Variants in PRICKLE1 observed in about 807,000 individuals in gnomAD.
The protein encoded by PRICKLE1 is prickle-like protein 1.
Under a neutral mutation model 70.2 loss-of-function variants are expected in PRICKLE1, and 14 were observed. That is an observed-to-expected ratio of 0.20 (90% CI 0.13 to 0.31). The LOEUF (loss-of-function observed/expected upper bound fraction) is 0.31. Ranked by LOEUF, PRICKLE1 falls within the 10% of genes least tolerant of loss-of-function variation. The pLI, the probability that PRICKLE1 is intolerant of heterozygous loss-of-function variation, is 1.00. For synonymous variants in PRICKLE1, 357 were observed against 379.9 expected (o/e 0.94, Z 0.70); for missense variants, 821 against 1,026.2 (o/e 0.80, Z 2.73).
chr12:42,565,075 CTTAA>C (rs1238032179), intron 1 of PRICKLE1, among the ~76,000 whole-genome samples: 1 of 152,170 alleles, frequency 6.6e-6, no homozygotes, highest in African/African-American at 2.4e-5. Context: ...ATATTAGTAG[CTTAA>C]TTGTGTTCCC....
At chr12:42,559,150 C>T (rs1203913488) in intron 1 of PRICKLE1, among the ~76,000 whole-genome samples, 1 of 152,192 alleles carries the variant, frequency 6.6e-6, no homozygotes, top group Non-Finnish European at 1.5e-5. Context: ...ACAAAGAAAT[C>T]ACTTTTTCTT....
chr12:42,503,564 C>T (rs562359434), intron 1 of PRICKLE1, among the ~76,000 whole-genome samples: 307 of 152,270 alleles, frequency 2.0e-3, no homozygotes, highest in African/African-American at 7.2e-3. Flanking sequence ...TCTATTTGAG[C>T]TCTTCAGTGT....
At chr12:42,553,712 A>AG (rs1009500013) in intron 1 of PRICKLE1, among the ~76,000 whole-genome samples, 52 of 152,134 alleles carry the variant, frequency 3.4e-4, no homozygotes, top group African/African-American at 1.2e-3. Context: ...AATGGCTTGT[A>AG]GGGTCGCACT....
intron 1 of PRICKLE1, among the ~76,000 whole-genome samples, chr12:42,561,266 T>A (rs1239547354): frequency 2.0e-5 from 3 of 152,238 alleles, no homozygotes; most frequent in Admixed American, 6.5e-5. Context: ...GATCTATTTT[T>A]AAAAATAACA....
At chr12:42,500,810 G>C (rs1369000513) in intron 1 of PRICKLE1, among the ~76,000 whole-genome samples, 1 of 152,020 alleles carries the variant, frequency 6.6e-6, no homozygotes, top group Non-Finnish European at 1.5e-5. Flanking sequence ...AATAATAGGA[G>C]ACTATTAGAA....
intron 1 of PRICKLE1, among the ~76,000 whole-genome samples, chr12:42,477,480 GTGTATATATATA>G (rs1231103712): frequency 2.0e-4 from 14 of 69,050 alleles, no homozygotes; most frequent in Admixed American, 6.0e-4. Flanking sequence ...GTGTGTGTGT[GTGTATATATATA>G]TATATATATA....
intron 7 of PRICKLE1, among the ~76,000 whole-genome samples, chr12:42,462,497 T>C (rs1379799694): frequency 3.9e-5 from 6 of 152,162 alleles, no homozygotes; most frequent in African/African-American, 1.4e-4. Flanking sequence ...CTACCACACC[T>C]GGCCAAATTA....
chr12:42,586,651 T>C (rs998118024), intron 1 of PRICKLE1, among the ~76,000 whole-genome samples: 3 of 152,210 alleles, frequency 2.0e-5, no homozygotes, highest in Non-Finnish European at 2.9e-5. Context: ...GAGCCCAAAA[T>C]ATAGGTATAG....
chr12:42,459,212 A>G lies in PRICKLE1; in HGVS notation c.*597T>C, dbSNP rs2140081516. On this transcript the variant is annotated 3_prime_UTR_variant, in exon 8 of 8. Transcript: ENST00000345127. ...ATTTGCACCGTTAAATTAGGAATAC[A>G]CTTAAGTCTATGAAATACTAAGTTA... 1 of 695,160 alleles carries G rather than the reference A, an allele frequency of 1.4e-6. No individual in the cohort carries two copies. Among genetic ancestry groups the G allele is most frequent in the Non-Finnish European group, 2.6e-6 (1 of 382,530 alleles). The allele number at this position is 695,160 out of a possible 1,614,324, so 43.1% of individuals were successfully genotyped here. A position where few individuals can be genotyped will look rare whatever the true frequency, so the allele number is the denominator to read the frequency against.
In PRICKLE1 at chr12:42,566,612, T is replaced by C. The variant is rs1351095918; in HGVS notation, c.-49+22853A>G. Among the ~76,000 whole-genome samples, 6 of 152,374 alleles carry C rather than the reference T, an allele frequency of 3.9e-5. No individual in the cohort carries two copies. The East Asian group carries it at 1.2e-3, about 29-fold the overall frequency. On this transcript the variant is annotated intron_variant, in intron 1 of 7. Transcript: ENST00000345127. ...CATTTATAAAATGAGACAATTGACCTACAGGTTTGTTATTAGGATTAAATG... is the reference window on the plus strand; with the variant it reads ...CATTTATAAAATGAGACAATTGACCCACAGGTTTGTTATTAGGATTAAATG...
chr12:42,464,466 C>T lies in PRICKLE1; in HGVS notation c.1568G>A (p.Cys523Tyr), dbSNP rs1265886356. 14 of 1,613,954 alleles carry T rather than the reference C, an allele frequency of 8.7e-6. No homozygotes were observed. Among genetic ancestry groups the T allele is most frequent in the Admixed American group, 5.0e-5 (3 of 59,982 alleles). Residue 523 changes from cysteine to tyrosine, a missense_variant, in exon 7 of 8, where the codon TGT becomes TAT. Physicochemically the swap from Cys to Tyr is radical, Grantham distance 194. Coordinates refer to ENST00000345127, the MANE Select transcript of PRICKLE1 (RefSeq NM_153026.3). The surrounding 1 kb of genome is among the most constrained non-coding windows in gnomAD (Gnocchi z 4.2). ...TTGCTCTGGTTTCAGGTCTGACAGA[C>T]ACTCCAGGGAATCTTCATACCACTG... is the stretch of plus-strand genomic sequence containing the variant. ...ETQWYEDSLE[C>Y]LSDLKPEQSV...
chr12:42,549,940 A>G (rs990057501), intron 1 of PRICKLE1, among the ~76,000 whole-genome samples: 1 of 152,092 alleles, frequency 6.6e-6, no homozygotes, highest in Non-Finnish European at 1.5e-5. Flanking sequence ...TCTTTACTAT[A>G]CTAACAACTT....
chr12:42,506,228 A>G (rs896762798), intron 1 of PRICKLE1, among the ~76,000 whole-genome samples: 3 of 148,924 alleles, frequency 2.0e-5, no homozygotes, highest in Non-Finnish European at 4.4e-5. Context: ...CATTAATTAT[A>G]TAAGTAAAAA....
At chr12:42,497,416 G>A (rs1360658214) in intron 1 of PRICKLE1, among the ~76,000 whole-genome samples, 1 of 152,056 alleles carries the variant, frequency 6.6e-6, no homozygotes, top group Non-Finnish European at 1.5e-5. Flanking sequence ...GGGCGTGGTG[G>A]TGGGTGCCTG....
intron 4 of PRICKLE1, 111 bp downstream of exon 4, chr12:42,469,339 T>C (rs1938223899): frequency 7.8e-7 from 1 of 1,284,598 alleles, no homozygotes; most frequent in Non-Finnish European, 1.1e-6. Context: ...TTCTCTCATT[T>C]TCTGGAGGCT....
At chr12:42,566,729 AT>A in intron 1 of PRICKLE1, among the ~76,000 whole-genome samples, 1 of 152,184 alleles carries the variant, frequency 6.6e-6, no homozygotes, top group East Asian at 1.9e-4. Flanking sequence ...TTCATCAAAC[AT>A]TTTGTGCTAT....
chr12:42,469,695 G>T, intron 3 of PRICKLE1, 108 bp from the exon 4 acceptor site: 2 of 1,425,310 alleles, frequency 1.4e-6, no homozygotes, highest in Non-Finnish European at 2.0e-6. Context: ...AGTTTAGCTC[G>T]CCTGTGTCAC....
intron 1 of PRICKLE1, among the ~76,000 whole-genome samples, chr12:42,475,808 T>G (rs1408255380): frequency 6.6e-6 from 1 of 151,396 alleles, no homozygotes; most frequent in East Asian, 1.9e-4. Flanking sequence ...ATTAAAAAAA[T>G]GTTGGCTGGG....
intron 1 of PRICKLE1, among the ~76,000 whole-genome samples, chr12:42,478,544 G>A (rs1256179631): frequency 3.9e-5 from 6 of 152,134 alleles, no homozygotes; most frequent in Admixed American, 6.6e-5. Context: ...TCAAGCACAA[G>A]GAACTGCTGT....
Sources: allele counts gnomAD v4.1 joint callset (sites outside exome capture counted in the v4.1 genomes callset), GRCh38; gene constraint gnomAD v4.1.1; non-coding constraint Gnocchi (gnomAD v3.1); transcripts MANE v1.5; gene names NCBI Gene and HGNC (gene_info 2026-07-23, HGNC 2026-07-21).